PIGZ: variants seen among roughly 807,000 people sequenced by gnomAD.
The protein encoded by PIGZ is phosphatidylinositol glycan anchor biosynthesis class Z (Gwada blood group).
In PIGZ, 16 loss-of-function variants were observed where a neutral mutation model predicts 16.4. The observed-to-expected ratio is 0.97, with a 90% CI of 0.66 to 1.48. PIGZ has a LOEUF of 1.48. Among genes scored for constraint, PIGZ ranks in the 40% most tolerant of loss-of-function variants. The pLI is 0.00. For missense variants in PIGZ, 770 were observed against 739.2 expected (o/e 1.04, Z -0.48); for synonymous variants, 409 against 338.4 (o/e 1.21, Z -2.29).
intron 1 of PIGZ, among the ~76,000 whole-genome samples, chr3:196,959,725 G>T (rs1198425107): frequency 6.6e-6 from 1 of 152,078 alleles, no homozygotes; most frequent in South Asian, 2.1e-4. Context: ...TTAGAGAGGG[G>T]GCTCTCGCCT....
intron 1 of PIGZ, among the ~76,000 whole-genome samples, chr3:196,957,766 C>T (rs145301808): frequency 3.3e-5 from 5 of 152,256 alleles, no homozygotes; most frequent in East Asian, 1.9e-4. Context: ...GGCTTCCCTC[C>T]GGGTGGGCAG....
At chr3:196,966,298 T>G (rs1193176035) in intron 1 of PIGZ, among the ~76,000 whole-genome samples, 5 of 152,172 alleles carry the variant, frequency 3.3e-5, no homozygotes, top group Admixed American at 6.5e-5. Context: ...TACCTCAGCT[T>G]TAAAACAAGT....
chr3:196,961,785 T>C (rs1263109269), intron 1 of PIGZ, among the ~76,000 whole-genome samples: 1 of 152,178 alleles, frequency 6.6e-6, no homozygotes, highest in Non-Finnish European at 1.5e-5. Context: ...TTAAAACAGG[T>C]TTATTGAAAT....
rs757323995 is a variant in PIGZ at position 196,947,892 on chromosome 3, C to G, written c.1005G>C (p.Gln335His). 1 of 1,614,008 alleles carries G rather than the reference C, an allele frequency of 6.2e-7. No individual in the cohort carries two copies. The highest frequency in any genetic ancestry group is 8.5e-7 in the Non-Finnish European group (1 of 1,179,926). ...LFGVLHAQAL[Q>H]AAWQRLQVGL... ...CGACTTGCAGCCGTTGCCACGCAGC[C>G]TGCAGGGCCTGGGCATGCAGCACCC... Residue 335 changes from glutamine (Q) to histidine (H), a missense_variant, in exon 3 of 3, where the codon CAG becomes CAC. Coordinates refer to ENST00000412723, the MANE Select transcript of PIGZ (RefSeq NM_025163.4).
At chr3:196,960,466 G>A (rs1243806950) in intron 1 of PIGZ, among the ~76,000 whole-genome samples, 1 of 152,080 alleles carries the variant, frequency 6.6e-6, no homozygotes, top group African/African-American at 2.4e-5. Flanking sequence ...GAGGTCAAGA[G>A]TTTGAGACCA....
intron 1 of PIGZ, among the ~76,000 whole-genome samples, chr3:196,955,010 C>T (rs149735738): frequency 6.6e-5 from 10 of 152,114 alleles, no homozygotes; most frequent in African/African-American, 7.2e-5. Context: ...ACTGTAGCCT[C>T]GACCTCCTGG....
chr3:196,964,210 C>T (rs938346484), intron 1 of PIGZ, among the ~76,000 whole-genome samples: 3 of 152,090 alleles, frequency 2.0e-5, no homozygotes, highest in East Asian at 3.9e-4. Context: ...GCCACCAGGC[C>T]GGCTAATTTT....
chr3:196,947,443 A>G lies in PIGZ; in HGVS notation c.1454T>C (p.Val485Ala). ...LPGLGAPVEV[V>A]DMGGTEDWAL... ...CCAGTCCTCAGTCCCCCCCATGTCC[A>G]CCACCTCCACTGGTGCCCCCAGGCC... The change falls in exon 3 of 3, where the codon GTG becomes GCG. Residue 485 changes from valine to alanine, a missense_variant. Val to Ala is a moderately conservative substitution (Grantham distance 64). Coordinates refer to ENST00000412723, the MANE Select transcript of PIGZ (RefSeq NM_025163.4). 10 of 1,613,650 alleles carry G rather than the reference A, an allele frequency of 6.2e-6. No individual in the cohort carries two copies. The highest frequency in any genetic ancestry group is 8.5e-6 in the Non-Finnish European group (10 of 1,179,980).
chr3:196,963,692 C>A (rs1223585300), intron 1 of PIGZ, among the ~76,000 whole-genome samples: 1 of 152,220 alleles, frequency 6.6e-6, no homozygotes, highest in East Asian at 1.9e-4. Context: ...ACTGTGGGAG[C>A]TTACCCTAAC....
intron 1 of PIGZ, among the ~76,000 whole-genome samples, chr3:196,960,240 G>C (rs912482999): frequency 6.6e-6 from 1 of 152,176 alleles, no homozygotes; most frequent in African/African-American, 2.4e-5. Context: ...TCAGTGTACC[G>C]AATGATTTTT....
At chr3:196,961,280 C>T (rs1717712934) in intron 1 of PIGZ, among the ~76,000 whole-genome samples, 2 of 152,186 alleles carry the variant, frequency 1.3e-5, no homozygotes, top group Admixed American at 1.3e-4. Flanking sequence ...CTCCATTGGT[C>T]AGTTTTGCAG....
At chr3:196,959,560 T>C (rs1717627265) in intron 1 of PIGZ, among the ~76,000 whole-genome samples, 1 of 152,196 alleles carries the variant, frequency 6.6e-6, no homozygotes, top group Non-Finnish European at 1.5e-5. Context: ...TTCATCTCTC[T>C]ACCATTCTTA....
chr3:196,961,465 C>CA (rs993893082), intron 1 of PIGZ, among the ~76,000 whole-genome samples: 57 of 152,278 alleles, frequency 3.7e-4, no homozygotes, highest in African/African-American at 1.4e-3. Context: ...ATCATGTTGC[C>CA]AGGTGTGGTG....
At position 196,951,694 on chromosome 3, in the gene PIGZ, T is replaced by C. The variant is rs574389405; in HGVS notation, c.211+127A>G. On this transcript the variant is annotated intron_variant, in intron 2 of 2. Transcript: ENST00000412723. Reference sequence around the variant, plus strand: ...AAGTTCTTACCCCAGAGAGAGAGGCTGCTGCTCTGCTTGTGGATTTACTAC... The same window carrying C: ...AAGTTCTTACCCCAGAGAGAGAGGCCGCTGCTCTGCTTGTGGATTTACTAC... The C allele has an allele frequency of 2.1e-5, 18 of 864,770 alleles. No individual in the cohort carries two copies. In the South Asian group the frequency reaches 2.6e-4, roughly 12 times the overall value. 53.6% of individuals were successfully genotyped at this position (864,770 alleles called of 1,614,324 possible).
In PIGZ at chr3:196,948,677, G is replaced by C; in HGVS notation, c.220C>G (p.Leu74Val). The stretch of plus-strand genomic sequence containing the variant: ...CAGGGCCGCGCGGCCTGAACGCCCA[G>C]GATGTCCTCTGCAGAGAGAGGCAGA... ...QSPEVMAEDI[L>V]GVQAARPWEF... The change falls in exon 3 of 3, where the codon CTG (leucine) becomes GTG (valine). Residue 74 changes from leucine to valine, a missense_variant. Coordinates refer to ENST00000412723, the MANE Select transcript of PIGZ (RefSeq NM_025163.4). 2.1e-6 allele frequency: 3 copies of C among 1,452,950 alleles called. No homozygotes were observed. The highest frequency in any genetic ancestry group is 2.7e-6 in the Non-Finnish European group (3 of 1,105,230). 90.0% of individuals were successfully genotyped at this position (1,452,950 alleles called of 1,614,324 possible).
intron 1 of PIGZ, among the ~76,000 whole-genome samples, chr3:196,964,359 ATTTTT>A (rs1005066958): frequency 1.3e-5 from 2 of 149,490 alleles, no homozygotes; most frequent in African/African-American, 4.9e-5. Flanking sequence ...TAGCACTACC[ATTTTT>A]TTTTAATTTT....
intron 1 of PIGZ, among the ~76,000 whole-genome samples, chr3:196,961,028 T>C (rs534312814): frequency 6.6e-6 from 1 of 152,348 alleles, no homozygotes; most frequent in African/African-American, 2.4e-5. Flanking sequence ...ATAAATACCA[T>C]CTTCCTGCTG....
intron 2 of PIGZ, among the ~76,000 whole-genome samples, chr3:196,950,742 G>A (rs1379994202): frequency 2.1e-5 from 3 of 142,552 alleles, no homozygotes; most frequent in Non-Finnish European, 3.0e-5. Context: ...TCCTTCATTA[G>A]ACTTTTTTTT....
In PIGZ at chr3:196,948,683, C is replaced by T. The variant is rs781303188; in HGVS notation, c.214G>A (p.Asp72Asn). 1.4e-6 allele frequency: 2 copies of T among 1,448,902 alleles called. No homozygotes were observed. The highest frequency in any genetic ancestry group is 5.0e-5 in the East Asian group (2 of 40,144). The allele number at this position is 1,448,902 out of a possible 1,614,324, so 89.8% of individuals were successfully genotyped here. A position where few individuals can be genotyped will look rare whatever the true frequency, so the allele number is the denominator to read the frequency against. The change falls in exon 3 of 3, where the codon GAC becomes AAC. Residue 72 changes from aspartate to asparagine, a missense_variant and splice_region_variant. Transcript: ENST00000412723. The part of the protein sequence containing the change: ...FFQSPEVMAE[D>N]ILGVQAARPW... ...CGCGCGGCCTGAACGCCCAGGATGT[C>T]CTCTGCAGAGAGAGGCAGAGGTGAG...
Sources: gnomAD v4.1 joint callset for allele counts (sites outside exome capture counted in the v4.1 genomes callset) on GRCh38, gnomAD v4.1.1 for gene constraint, MANE v1.5 for transcripts, NCBI Gene and HGNC (gene_info 2026-07-23, HGNC 2026-07-21) for gene names.